NRG3: variants seen among roughly 807,000 people sequenced by gnomAD.
NRG3 encodes the protein neuregulin 3, also known as pro-neuregulin-3, membrane-bound isoform.
In NRG3, 31 loss-of-function variants were observed where a neutral mutation model predicts 66.9. The ratio of observed to expected loss-of-function variants is 0.46; its 90% CI spans 0.35 to 0.63. The LOEUF (loss-of-function observed/expected upper bound fraction) is 0.63, where lower values mean the gene tolerates loss of function less well. Among genes scored for constraint, NRG3 ranks in the 20% least tolerant of loss-of-function variants. The pLI is 0.00. For missense variants in NRG3, 910 were observed against 878.9 expected (o/e 1.04, Z -0.45); for synonymous variants, 393 against 359.4 (o/e 1.09, Z -1.06).
At chr10:82,135,230 A>G (rs1172754282) in intron 1 of NRG3, among the ~76,000 whole-genome samples, 1 of 151,008 alleles carries the variant, frequency 6.6e-6, no homozygotes. Flanking sequence ...GCTTCATTGT[A>G]TGTTATTTCT....
chr10:82,346,735 A>G (rs1178265193), intron 1 of NRG3, among the ~76,000 whole-genome samples: 1 of 151,768 alleles, frequency 6.6e-6, no homozygotes, highest in Non-Finnish European at 1.5e-5. Flanking sequence ...TATTGCCACA[A>G]TTTCAGATCC....
intron 4 of NRG3, among the ~76,000 whole-genome samples, chr10:82,885,688 T>C (rs1257294705): frequency 6.6e-6 from 1 of 152,126 alleles, no homozygotes; most frequent in African/African-American, 2.4e-5. Context: ...ATTGAAGAAT[T>C]GTAGGCCATC....
At chr10:82,794,823 C>A (rs1591546193) in intron 3 of NRG3, among the ~76,000 whole-genome samples, 1 of 152,166 alleles carries the variant, frequency 6.6e-6, no homozygotes, top group South Asian at 2.1e-4. Flanking sequence ...CACTCTAACT[C>A]TCTTCCTCCA....
chr10:82,610,356 C>G (rs1392628030), intron 2 of NRG3, among the ~76,000 whole-genome samples: 1 of 151,992 alleles, frequency 6.6e-6, no homozygotes, highest in African/African-American at 2.4e-5. Flanking sequence ...GAGTGTGGAC[C>G]TCTTCAGGGG....
At chr10:81,911,516 GA>G in intron 1 of NRG3, among the ~76,000 whole-genome samples, 1 of 150,782 alleles carries the variant, frequency 6.6e-6, no homozygotes, top group South Asian at 2.1e-4. Flanking sequence ...GTTTAAGCCC[GA>G]AAAAGGTACA....
chr10:82,600,760 G>A (rs956229229), intron 2 of NRG3, among the ~76,000 whole-genome samples: 1 of 152,096 alleles, frequency 6.6e-6, no homozygotes, highest in Non-Finnish European at 1.5e-5. Flanking sequence ...GAGCCACTGT[G>A]CCTGGCCATA....
At chr10:82,902,614 A>T (rs1844340073) in intron 4 of NRG3, among the ~76,000 whole-genome samples, 1 of 152,048 alleles carries the variant, frequency 6.6e-6, no homozygotes, top group African/African-American at 2.4e-5. Flanking sequence ...ACTTTTAGAA[A>T]CTCCAAATAG....
chr10:82,682,243 G>A (rs185843423), intron 2 of NRG3, among the ~76,000 whole-genome samples: 21 of 151,834 alleles, frequency 1.4e-4, no homozygotes, highest in Middle Eastern at 3.4e-3. Flanking sequence ...AGCAAGGCTC[G>A]TCACCACAAA....
intron 5 of NRG3, among the ~76,000 whole-genome samples, chr10:82,952,657 C>T (rs1849655914): frequency 6.6e-6 from 1 of 151,730 alleles, no homozygotes; most frequent in South Asian, 2.1e-4. Flanking sequence ...GTTCCTACAG[C>T]TTGTCTGAAA....
chr10:82,689,336 G>C (rs1206026896), intron 2 of NRG3, among the ~76,000 whole-genome samples: 2 of 152,074 alleles, frequency 1.3e-5, no homozygotes, highest in Admixed American at 6.6e-5. Flanking sequence ...GGTTAAACAA[G>C]GCATTTTTCT....
intron 1 of NRG3, among the ~76,000 whole-genome samples, chr10:82,207,019 C>T (rs1243749364): frequency 6.6e-6 from 1 of 152,168 alleles, no homozygotes; most frequent in Non-Finnish European, 1.5e-5. Flanking sequence ...TGCTGAGTCC[C>T]TTGCTCCACA....
intron 1 of NRG3, among the ~76,000 whole-genome samples, chr10:82,258,277 T>C (rs762643730): frequency 5.3e-5 from 8 of 152,242 alleles, no homozygotes; most frequent in Non-Finnish European, 8.8e-5. Context: ...TATGGCCTTA[T>C]CATTTTTAGG....
At chr10:82,819,712 A>C (rs993837653) in intron 3 of NRG3, among the ~76,000 whole-genome samples, 4 of 152,210 alleles carry the variant, frequency 2.6e-5, no homozygotes, top group Non-Finnish European at 5.9e-5. Context: ...ATAATGAAAC[A>C]TCTATTACTC....
intron 2 of NRG3, among the ~76,000 whole-genome samples, chr10:82,664,580 C>G (rs747925505): frequency 1.1e-4 from 16 of 152,094 alleles, no homozygotes; most frequent in Non-Finnish European, 2.1e-4. Flanking sequence ...AGTTAAGCAG[C>G]TTGGGGTTTA....
intron 3 of NRG3, among the ~76,000 whole-genome samples, chr10:82,775,646 T>A (rs560645261): frequency 2.6e-5 from 4 of 152,138 alleles, no homozygotes; most frequent in Non-Finnish European, 5.9e-5. Flanking sequence ...CATTTCAAGT[T>A]CTATATTTTC....
chr10:82,724,866 G>T (rs929957585), intron 2 of NRG3, among the ~76,000 whole-genome samples: 3 of 152,114 alleles, frequency 2.0e-5, no homozygotes, highest in Non-Finnish European at 4.4e-5. Flanking sequence ...TTATCTCCCA[G>T]ATTTATTTTC....
At chr10:82,617,892 C>G (rs189602840) in intron 2 of NRG3, among the ~76,000 whole-genome samples, 12 of 152,258 alleles carry the variant, frequency 7.9e-5, no homozygotes, top group Non-Finnish European at 1.8e-4. Context: ...TCTGATAATT[C>G]ACTGCTCTTA....
intron 2 of NRG3, among the ~76,000 whole-genome samples, chr10:82,678,121 T>C (rs1402964081): frequency 3.3e-5 from 5 of 152,198 alleles, no homozygotes; most frequent in Non-Finnish European, 5.9e-5. Context: ...TCCTGAGATC[T>C]TATCAGGAAG....
intron 1 of NRG3, among the ~76,000 whole-genome samples, chr10:82,066,353 T>C (rs2064461991): frequency 6.6e-6 from 1 of 152,114 alleles, no homozygotes; most frequent in South Asian, 2.1e-4. Context: ...AATGTACATA[T>C]GTGCATATAT....
Sources: allele counts gnomAD v4.1 joint callset (sites outside exome capture counted in the v4.1 genomes callset), GRCh38; gene constraint gnomAD v4.1.1; transcripts MANE v1.5; gene names NCBI Gene and HGNC (gene_info 2026-07-23, HGNC 2026-07-21).